The following ESR1 variants were observed in gnomAD, a reference collection of about 807,000 sequenced individuals.
ESR1 encodes the protein estrogen receptor.
In ESR1, 12 loss-of-function variants were observed where a neutral mutation model predicts 52.7. That is an observed-to-expected ratio of 0.23 (90% CI 0.15 to 0.37). The LOEUF (loss-of-function observed/expected upper bound fraction) is 0.37. ESR1 is among the 10% of genes least tolerant of loss of function. The pLI, the probability that ESR1 is intolerant of heterozygous loss-of-function variation, is 1.00. For missense variants in ESR1, 584 were observed against 779.7 expected (o/e 0.75, Z 2.99); for synonymous variants, 305 against 316.8 (o/e 0.96, Z 0.39).
chr6:151,829,936 C>T (rs1782121421), intron 1 of ESR1, among the ~76,000 whole-genome samples: 2 of 152,146 alleles, frequency 1.3e-5, no homozygotes, highest in African/African-American at 4.8e-5. Context: ...GCAATGTGAT[C>T]CCTAATGACA....
chr6:151,918,105 C>T (rs1305955141), intron 3 of ESR1, among the ~76,000 whole-genome samples: 1 of 152,142 alleles, frequency 6.6e-6, no homozygotes, highest in African/African-American at 2.4e-5. Context: ...GGCAGATACC[C>T]AGTGATGGGG....
At position 151,728,614 on chromosome 6, in the gene ESR1, G is replaced by A. The variant is rs543905154; in HGVS notation, c.-71+26609G>A. Reference sequence around the variant, plus strand: ...AATGTACAGTTTTATAAGTTTTGATGTATGTATACAACCATTAAACCACTA... The same window carrying A: ...AATGTACAGTTTTATAAGTTTTGATATATGTATACAACCATTAAACCACTA... On this transcript the variant is annotated intron_variant, in intron 2 of 2. Coordinates refer to the ESR1 transcript ENST00000404742. 5.9e-5 allele frequency among the ~76,000 whole-genome samples: 9 copies of A among 152,318 alleles called. 1 individual carries two copies. In the South Asian group the frequency reaches 1.7e-3, roughly 28 times the overall value.
At chr6:152,003,272 CT>C (rs1318580565) in intron 4 of ESR1, among the ~76,000 whole-genome samples, 1 of 151,624 alleles carries the variant, frequency 6.6e-6, no homozygotes, top group Non-Finnish European at 1.5e-5. Flanking sequence ...TTCTTTTCTC[CT>C]GACAAACTAC....
At chr6:151,901,748 C>T (rs36025163) in intron 3 of ESR1, among the ~76,000 whole-genome samples, 5,372 of 152,314 alleles carry the variant, frequency 0.035, 127 homozygotes, top group South Asian at 0.059. Context: ...GGCTATCCCC[C>T]TTTCCTACTT....
chr6:151,817,108 T>A (rs189287481), intron 1 of ESR1, among the ~76,000 whole-genome samples: 2 of 152,304 alleles, frequency 1.3e-5, no homozygotes, highest in East Asian at 3.9e-4. Context: ...TGGAAGCTCA[T>A]ACTTAGGGAG....
chr6:151,803,522 C>T (rs749685812), upstream of ESR1, among the ~76,000 whole-genome samples: 1 of 151,968 alleles, frequency 6.6e-6, no homozygotes, highest in East Asian at 1.9e-4. Flanking sequence ...AGAGAGGAAG[C>T]CCTGAACTCA....
chr6:151,866,246 A>T (rs1789877619), intron 2 of ESR1, among the ~76,000 whole-genome samples: 1 of 152,180 alleles, frequency 6.6e-6, no homozygotes, highest in Admixed American at 6.5e-5. Context: ...CTATTAAACA[A>T]CCATCCTGTA....
intron 3 of ESR1, among the ~76,000 whole-genome samples, chr6:151,933,475 G>C (rs988830529): frequency 6.7e-5 from 10 of 150,316 alleles, no homozygotes; most frequent in South Asian, 2.2e-4. Flanking sequence ...GCCCTGGCCA[G>C]AACTTCCAAC....
At chr6:151,840,176 A>G (rs1784066104) in intron 1 of ESR1, among the ~76,000 whole-genome samples, 1 of 152,214 alleles carries the variant, frequency 6.6e-6, no homozygotes, top group Admixed American at 6.6e-5. Flanking sequence ...TATCAATTTC[A>G]TGCTTGCTAA....
At position 151,683,458 on chromosome 6, in the gene ESR1, C is replaced by CAAA. The variant is rs201266524; in HGVS notation, n.74-18403_74-18401dup. On this transcript the variant is annotated intron_variant and non_coding_transcript_variant, in intron 1 of 2. Transcript: ENST00000473497. ...CAATTTAAATGGAGATTCATTTGAT[C>CAAA]AAAAAAAAAAAAAAAAGCACATATA... Among the ~76,000 whole-genome samples, 88 of 101,952 alleles carry CAAA rather than the reference C, an allele frequency of 8.6e-4. 1 individual carries two copies. The highest frequency in any genetic ancestry group is 5.2e-3 in the Middle Eastern group (1 of 192). The allele number at this position is 101,952 out of a possible 152,430, so 66.9% of individuals were successfully genotyped here. A position where few individuals can be genotyped will look rare whatever the true frequency, so the allele number is the denominator to read the frequency against.
intron 2 of ESR1, among the ~76,000 whole-genome samples, chr6:151,747,075 C>CA (rs1214751756): frequency 1.3e-5 from 2 of 152,114 alleles, no homozygotes; most frequent in African/African-American, 2.4e-5. Flanking sequence ...TTGTCATCTG[C>CA]AAAAAATATA....
chr6:152,122,115 C>T, intron 6 of ESR1: 1 of 401,518 alleles, frequency 2.5e-6, no homozygotes, highest in South Asian at 2.2e-5. Context: ...AAGTCCTTGG[C>T]TGTGCACAGA....
chr6:151,856,467 C>A (rs1386776349), intron 2 of ESR1, among the ~76,000 whole-genome samples: 2 of 152,112 alleles, frequency 1.3e-5, no homozygotes, highest in African/African-American at 4.8e-5. Flanking sequence ...AACTTTTCCA[C>A]AACATGAACA....
intron 4 of ESR1, among the ~76,000 whole-genome samples, chr6:152,001,725 T>C (rs2041960051): frequency 6.6e-6 from 1 of 152,184 alleles, no homozygotes; most frequent in Non-Finnish European, 1.5e-5. Flanking sequence ...CAGTGGTTAC[T>C]GACTTCAAAG....
chr6:151,948,303 A>C (rs1189461079), intron 4 of ESR1, among the ~76,000 whole-genome samples: 2 of 152,190 alleles, frequency 1.3e-5, no homozygotes, highest in Admixed American at 6.5e-5. Context: ...ATAATTTTAC[A>C]TGTCTCGAAA....
At chr6:151,980,020 T>C (rs1333680719) in intron 4 of ESR1, among the ~76,000 whole-genome samples, 1 of 152,206 alleles carries the variant, frequency 6.6e-6, no homozygotes, top group Non-Finnish European at 1.5e-5. Flanking sequence ...TTTTTTTAAA[T>C]GACAAGACAT....
upstream of ESR1, among the ~76,000 whole-genome samples, chr6:151,686,843 A>G (rs1009959193): frequency 1.3e-5 from 2 of 152,216 alleles, no homozygotes; most frequent in Non-Finnish European, 2.9e-5. Context: ...AATAAGGGCT[A>G]TAGAAGAAAT....
At chr6:151,776,683 C>T (rs1415071792) in intron 2 of ESR1, among the ~76,000 whole-genome samples, 3 of 151,958 alleles carry the variant, frequency 2.0e-5, no homozygotes, top group Non-Finnish European at 4.4e-5. Flanking sequence ...ACTAAAAATA[C>T]AAAAATTAGC....
chr6:151,769,471 A>C (rs1449185703), intron 2 of ESR1, among the ~76,000 whole-genome samples: 1 of 152,182 alleles, frequency 6.6e-6, no homozygotes, highest in Non-Finnish European at 1.5e-5. Flanking sequence ...TGATTATGGC[A>C]AGGGGAAAGT....
Sources: allele counts gnomAD v4.1 joint callset (sites outside exome capture counted in the v4.1 genomes callset), GRCh38; gene constraint gnomAD v4.1.1; transcripts MANE v1.5; gene names NCBI Gene and HGNC (gene_info 2026-07-23, HGNC 2026-07-21).